The following SEMA6D variants were observed in gnomAD, a reference collection of about 807,000 sequenced individuals.
SEMA6D encodes semaphorin-6D.
In SEMA6D, 35 loss-of-function variants were observed where a neutral mutation model predicts 106.6. The observed-to-expected ratio is 0.33, with a 90% CI of 0.25 to 0.44. The LOEUF is 0.44. SEMA6D is among the 20% of genes least tolerant of loss of function. SEMA6D has a pLI of 1.00. For missense variants in SEMA6D, 1,185 were observed against 1,345.9 expected (o/e 0.88, Z 1.87); for synonymous variants, 499 against 487.7 (o/e 1.02, Z -0.31).
At chr15:47,515,822 G>A (rs1015595222) in intron 3 of SEMA6D, among the ~76,000 whole-genome samples, 2 of 152,146 alleles carry the variant, frequency 1.3e-5, no homozygotes, top group African/African-American at 2.4e-5. Flanking sequence ...GCTGCCTTAC[G>A]ACATTTTAAT....
chr15:47,646,603 C>T (rs1332156738), intron 4 of SEMA6D, among the ~76,000 whole-genome samples: 1 of 152,126 alleles, frequency 6.6e-6, no homozygotes, highest in East Asian at 1.9e-4. Flanking sequence ...AATCACTGTA[C>T]TTCTCTCTAA....
At chr15:47,627,600 C>G (rs1798613256) in intron 4 of SEMA6D, among the ~76,000 whole-genome samples, 1 of 152,094 alleles carries the variant, frequency 6.6e-6, no homozygotes, top group African/African-American at 2.4e-5. Context: ...AATAAATGCT[C>G]TCACTTGCAT....
At chr15:47,513,109 T>C (rs138321908) in intron 3 of SEMA6D, among the ~76,000 whole-genome samples, 8 of 152,178 alleles carry the variant, frequency 5.3e-5, no homozygotes, top group African/African-American at 1.9e-4. Flanking sequence ...GAGTGAACTA[T>C]TAATGGAAAT....
At chr15:47,226,013 T>A (rs2031640881) in intron 1 of SEMA6D, among the ~76,000 whole-genome samples, 1 of 152,112 alleles carries the variant, frequency 6.6e-6, no homozygotes, top group Admixed American at 6.6e-5. Context: ...GTGACTGTGA[T>A]CTTGTTTAGA....
At chr15:47,275,483 G>A (rs145292876) in intron 1 of SEMA6D, among the ~76,000 whole-genome samples, 2 of 152,118 alleles carry the variant, frequency 1.3e-5, no homozygotes, top group East Asian at 1.9e-4. Context: ...TTTGGTAATT[G>A]TCACAATGTT....
intron 1 of SEMA6D, among the ~76,000 whole-genome samples, chr15:47,373,420 T>A (rs541495494): frequency 6.6e-6 from 1 of 152,290 alleles, no homozygotes; most frequent in East Asian, 1.9e-4. Context: ...TATTAACTCT[T>A]ATGCATGACT....
intron 1 of SEMA6D, among the ~76,000 whole-genome samples, chr15:47,751,398 T>C (rs2081426702): frequency 6.6e-6 from 1 of 152,186 alleles, no homozygotes. Flanking sequence ...CTTTTTTGTT[T>C]AGTCTCTTGG....
intron 1 of SEMA6D, among the ~76,000 whole-genome samples, chr15:47,279,760 C>G (rs1365717815): frequency 6.6e-6 from 1 of 151,770 alleles, no homozygotes; most frequent in East Asian, 1.9e-4. Flanking sequence ...TTGTCAAAGG[C>G]CTTTTCTGCA....
At chr15:47,254,666 T>G (rs1322165875) in intron 1 of SEMA6D, among the ~76,000 whole-genome samples, 2 of 152,134 alleles carry the variant, frequency 1.3e-5, no homozygotes, top group African/African-American at 4.8e-5. Flanking sequence ...CTGCATCTAT[T>G]GAAGTGATCT....
chr15:47,385,023 A>T (rs1210085880), intron 1 of SEMA6D, among the ~76,000 whole-genome samples: 1 of 144,430 alleles, frequency 6.9e-6, no homozygotes, highest in African/African-American at 2.6e-5. Context: ...CTGAATAATT[A>T]CATTCATGGA....
At chr15:47,281,778 C>T (rs1322270486) in intron 1 of SEMA6D, among the ~76,000 whole-genome samples, 53 of 152,050 alleles carry the variant, frequency 3.5e-4, no homozygotes, top group Non-Finnish European at 4.4e-5. Flanking sequence ...GCAATCTTTG[C>T]TTTGTTGTAA....
chr15:47,463,324 A>G (rs891318001), intron 2 of SEMA6D, among the ~76,000 whole-genome samples: 2 of 152,124 alleles, frequency 1.3e-5, no homozygotes, highest in African/African-American at 2.4e-5. Context: ...TTTCTTCACA[A>G]TTCAAAACTT....
intron 1 of SEMA6D, among the ~76,000 whole-genome samples, chr15:47,408,937 G>T (rs2040690302): frequency 6.6e-6 from 1 of 152,202 alleles, no homozygotes; most frequent in South Asian, 2.1e-4. Flanking sequence ...ACACTCATCT[G>T]CATGAGTGCA....
chr15:47,601,152 C>T (rs1338035632), intron 4 of SEMA6D, among the ~76,000 whole-genome samples: 15 of 151,988 alleles, frequency 9.9e-5, no homozygotes, highest in South Asian at 2.1e-4. Context: ...GTATCTTTTT[C>T]TTGCCCAGTC....
chr15:47,514,033 A>ACACC (rs948386347), intron 3 of SEMA6D, among the ~76,000 whole-genome samples: 1 of 152,212 alleles, frequency 6.6e-6, no homozygotes, highest in Non-Finnish European at 1.5e-5. Flanking sequence ...CTGTACCTTT[A>ACACC]CACCCACTCT....
intron 4 of SEMA6D, among the ~76,000 whole-genome samples, chr15:47,670,420 C>T (rs2145379238): frequency 6.6e-6 from 1 of 152,256 alleles, no homozygotes; most frequent in East Asian, 1.9e-4. Flanking sequence ...TTGTGTCTGT[C>T]CTTGCCTGCT....
At chr15:47,228,121 T>C (rs1005520224) in intron 1 of SEMA6D, among the ~76,000 whole-genome samples, 49 of 131,230 alleles carry the variant, frequency 3.7e-4, no homozygotes, top group African/African-American at 1.4e-3. Context: ...TAAGAATTCA[T>C]ATATATGTGT....
chr15:47,635,867 C>T (rs1187473156), intron 4 of SEMA6D, among the ~76,000 whole-genome samples: 1 of 149,814 alleles, frequency 6.7e-6, no homozygotes, highest in Non-Finnish European at 1.5e-5. Context: ...TAACTAAATA[C>T]AAGGTGAGAG....
At chr15:47,766,499 TTTTC>T in intron 15 of SEMA6D, 113 bp from the exon 16 acceptor site, 8 of 855,650 alleles carry the variant, frequency 9.3e-6, no homozygotes, top group South Asian at 1.7e-5. Context: ...TGTTTTTTTT[TTTTC>T]TCTCTCTGCC....
Sources: allele counts gnomAD v4.1 joint callset (sites outside exome capture counted in the v4.1 genomes callset), GRCh38; gene constraint gnomAD v4.1.1; transcripts MANE v1.5; gene names NCBI Gene and HGNC (gene_info 2026-07-23, HGNC 2026-07-21).